Variants in LSAMP observed in about 807,000 individuals in gnomAD.
The protein encoded by LSAMP is limbic system-associated membrane protein.
A neutral mutation model predicts 38.6 loss-of-function variants in LSAMP; 7 were observed. The ratio of observed to expected loss-of-function variants is 0.18; its 90% CI spans 0.10 to 0.34. The LOEUF (loss-of-function observed/expected upper bound fraction) is 0.34, where lower values mean the gene tolerates loss of function less well. Among genes scored for constraint, LSAMP ranks in the 10% least tolerant of loss-of-function variants. The pLI is 1.00. For synonymous variants in LSAMP, 154 were observed against 166.8 expected, an observed-to-expected ratio of 0.92 and a Z score of 0.59; for missense variants, 313 against 420.0, an observed-to-expected ratio of 0.75 and a Z score of 2.23.
At chr3:116,224,166 TG>T (rs1244517072) in intron 1 of LSAMP, among the ~76,000 whole-genome samples, 11 of 152,226 alleles carry the variant, frequency 7.2e-5, no homozygotes, top group Admixed American at 1.3e-4. Flanking sequence ...CCTACTAGGC[TG>T]CCAGGTTAGC....
At chr3:116,287,996 G>C (rs2047214981) in intron 1 of LSAMP, among the ~76,000 whole-genome samples, 1 of 152,156 alleles carries the variant, frequency 6.6e-6, no homozygotes, top group Non-Finnish European at 1.5e-5. Flanking sequence ...GACAGAGAGT[G>C]CTGCCTCTAT....
intron 3 of LSAMP, among the ~76,000 whole-genome samples, chr3:115,919,142 C>G (rs570822916): frequency 6.6e-6 from 1 of 152,192 alleles, no homozygotes; most frequent in African/African-American, 2.4e-5. Context: ...TCCTCACCCC[C>G]ACTGTCCTGC....
At chr3:116,057,965 A>ACACACACACACACC (rs1941521292) in intron 2 of LSAMP, among the ~76,000 whole-genome samples, 4 of 90,858 alleles carry the variant, frequency 4.4e-5, no homozygotes, top group Admixed American at 1.3e-4. Context: ...ACCCACACAC[A>ACACACACACACACC]CACACACACA....
intron 1 of LSAMP, among the ~76,000 whole-genome samples, chr3:116,206,133 A>C (rs1327682574): frequency 6.7e-6 from 1 of 150,008 alleles, no homozygotes; most frequent in African/African-American, 2.5e-5. Context: ...TAGTCTTGGG[A>C]GAGTGTATGT....
chr3:115,975,750 C>T (rs1404712310), intron 3 of LSAMP, among the ~76,000 whole-genome samples: 1 of 152,098 alleles, frequency 6.6e-6, no homozygotes, highest in Non-Finnish European at 1.5e-5. Context: ...AAATCTCTAA[C>T]CAATAATCTT....
intron 3 of LSAMP, among the ~76,000 whole-genome samples, chr3:115,868,532 G>A (rs773770871): frequency 4.6e-5 from 7 of 152,052 alleles, no homozygotes; most frequent in Non-Finnish European, 8.8e-5. Flanking sequence ...TTAGAGAATG[G>A]TACCTGACTG....
chr3:116,313,915 T>C (rs930333015), intron 1 of LSAMP, among the ~76,000 whole-genome samples: 3 of 152,150 alleles, frequency 2.0e-5, no homozygotes, highest in Non-Finnish European at 2.9e-5. Context: ...GATCACACCA[T>C]TGCACTCCAG....
At chr3:116,045,718 G>C (rs1343010218) in intron 2 of LSAMP, among the ~76,000 whole-genome samples, 1 of 152,068 alleles carries the variant, frequency 6.6e-6, no homozygotes, top group Non-Finnish European at 1.5e-5. Context: ...ATGATTATAT[G>C]CCTATCATTT....
intron 1 of LSAMP, among the ~76,000 whole-genome samples, chr3:116,304,427 G>A (rs1458515695): frequency 1.3e-5 from 2 of 152,066 alleles, no homozygotes; most frequent in African/African-American, 2.4e-5. Context: ...GAAACTACAG[G>A]GAAAACCTTT....
At chr3:116,150,934 T>A (rs1709596578) in intron 1 of LSAMP, among the ~76,000 whole-genome samples, 1 of 151,994 alleles carries the variant, frequency 6.6e-6, no homozygotes, top group Admixed American at 6.6e-5. Flanking sequence ...AAGTAAACTA[T>A]CTTTGGCTAA....
intron 3 of LSAMP, among the ~76,000 whole-genome samples, chr3:115,888,408 G>T (rs1936511199): frequency 6.6e-6 from 1 of 151,824 alleles, no homozygotes; most frequent in Non-Finnish European, 1.5e-5. Flanking sequence ...GAATATTGTT[G>T]TTAATTACCT....
intron 2 of LSAMP, among the ~76,000 whole-genome samples, chr3:116,025,865 A>T (rs533962529): frequency 1.2e-4 from 18 of 152,322 alleles, no homozygotes; most frequent in Admixed American, 9.2e-4. Context: ...CCACACTATT[A>T]TGTGTTAATT....
chr3:116,069,900 G>T (rs1299999701), intron 2 of LSAMP, among the ~76,000 whole-genome samples: 1 of 152,102 alleles, frequency 6.6e-6, no homozygotes, highest in Non-Finnish European at 1.5e-5. Context: ...AAACTATATA[G>T]ATGTTACCAT....
rs185794625 is a variant in LSAMP at position 116,203,478 on chromosome 3, C to T, written c.156-116922G>A. 7.2e-3 allele frequency among the ~76,000 whole-genome samples: 1,099 copies of T among 151,778 alleles called. 12 individuals carry two copies. The highest frequency in any genetic ancestry group is 0.026 in the African/African-American group (1,057 of 41,360). On this transcript the variant is annotated intron_variant, in intron 1 of 6. Transcript: ENST00000490035. ...GTTAGTTACATATGTATACATGTGA[C>T]ATGCTGGTGCGCTGCACCCACTAAC...
chr3:115,824,709 T>TAA (rs79375900), intron 6 of LSAMP, among the ~76,000 whole-genome samples: 10 of 128,618 alleles, frequency 7.8e-5, no homozygotes, highest in Admixed American at 1.6e-4. Flanking sequence ...GACTCCGTCT[T>TAA]AAAAAAAAAA....
chr3:116,193,683 C>A (rs911878662), intron 1 of LSAMP, among the ~76,000 whole-genome samples: 10 of 152,112 alleles, frequency 6.6e-5, no homozygotes, highest in African/African-American at 2.4e-4. Context: ...ATATTAAAAA[C>A]AGAAGCTGGA....
At chr3:116,134,611 A>G (rs1448974142) in intron 1 of LSAMP, among the ~76,000 whole-genome samples, 1 of 152,054 alleles carries the variant, frequency 6.6e-6, no homozygotes, top group Non-Finnish European at 1.5e-5. Context: ...CCTTTGCTTC[A>G]TGTGTTCGTC....
At chr3:116,266,678 A>G (rs1289410344) in intron 1 of LSAMP, among the ~76,000 whole-genome samples, 2 of 152,172 alleles carry the variant, frequency 1.3e-5, no homozygotes, top group African/African-American at 4.8e-5. Context: ...AGACAGCCTG[A>G]AAAGATTGGC....
chr3:116,141,048 A>G (rs1322504485), intron 1 of LSAMP, among the ~76,000 whole-genome samples: 2 of 151,984 alleles, frequency 1.3e-5, no homozygotes, highest in Non-Finnish European at 2.9e-5. Flanking sequence ...GTATCTAGAA[A>G]GAAAATGCCA....
Sources: gnomAD v4.1 joint callset for allele counts (sites outside exome capture counted in the v4.1 genomes callset) on GRCh38, gnomAD v4.1.1 for gene constraint, MANE v1.5 for transcripts, NCBI Gene and HGNC (gene_info 2026-07-23, HGNC 2026-07-21) for gene names.